ZNF571: variants seen among roughly 807,000 people sequenced by gnomAD.
The protein encoded by ZNF571 is zinc finger protein 571.
ZNF571 carries 4 observed loss-of-function variants against 7.7 expected under a neutral mutation model. That is an observed-to-expected ratio of 0.52 (90% CI 0.25 to 1.18). ZNF571 has a LOEUF of 1.18. ZNF571 is among the 50% of genes most tolerant of loss of function. The probability of loss-of-function intolerance (pLI) is 0.14; values close to 1 mark genes in which losing one functional copy is unlikely to be tolerated. For synonymous variants in ZNF571, 251 were observed against 232.4 expected (o/e 1.08, Z -0.73); for missense variants, 704 against 726.9 (o/e 0.97, Z 0.36).
intron 3 of ZNF571, among the ~76,000 whole-genome samples, chr19:37,577,205 A>T (rs1350402446): frequency 6.6e-6 from 1 of 152,092 alleles, no homozygotes; most frequent in East Asian, 1.9e-4. Context: ...ACCTTTCATC[A>T]CCCTCCTCAA....
chr19:37,591,377 G>A (rs536581934), intron 1 of ZNF571, among the ~76,000 whole-genome samples: 1 of 152,180 alleles, frequency 6.6e-6, no homozygotes, highest in Non-Finnish European at 1.5e-5. Flanking sequence ...TTAAAAAAGA[G>A]CAGTTTGATA....
intron 1 of ZNF571, chr19:37,594,055 G>A (rs2043944883): frequency 6.6e-6 from 1 of 152,098 alleles, no homozygotes; most frequent in African/African-American, 2.4e-5. Context: ...AGAGCTCTCG[G>A]AGCAGACGAA....
Position 37,584,007 on chromosome 19 carries a change from C to A in ZNF571, c.100G>T (p.Val34Leu), listed in dbSNP as rs202081146. Reference protein sequence around the residue: ...DPAQRDLYRDVMLENYSNLIS... With the variant: ...DPAQRDLYRDLMLENYSNLIS... ...AGGTTGCTGTAGTTCTCCAACATCA[C>A]ATCCCTGTACAAGTCCCTCTGAGCA... The change falls in exon 3 of 4, where the codon GTG becomes TTG. Residue 34 changes from valine to leucine, a missense_variant. Coordinates refer to ENST00000451802, the MANE Select transcript of ZNF571 (RefSeq NM_016536.5). 1 of 1,613,326 alleles carries A rather than the reference C, an allele frequency of 6.2e-7. No individual in the cohort carries two copies. The highest frequency in any genetic ancestry group is 1.3e-5 in the African/African-American group (1 of 74,912).
Position 37,564,831 on chromosome 19 carries a change from T to A in ZNF571, c.1597A>T (p.Lys533Ter), listed in dbSNP as rs1014873362. ...CGAATAAAAGCCTTCCCACACTGTT[T>A]ACATTCATAAGGTTTTTCACCTCTG... ...IHRGEKPYEC[K>*]QCGKAFIRGS... Residue 533 changes from lysine to a stop codon, truncating the protein, a stop_gained, in exon 4 of 4, where the codon AAA becomes TAA. Coordinates refer to ENST00000451802, the MANE Select transcript of ZNF571 (RefSeq NM_016536.5). LOFTEE classifies it low-confidence loss of function (END_TRUNC). 5.0e-6 allele frequency: 8 copies of A among 1,613,922 alleles called. No homozygotes were observed. The African/African-American group carries it at 1.1e-4, about 22-fold the overall frequency.
Position 37,564,915 on chromosome 19 carries a change from T to TA in ZNF571, c.1512dup (p.Lys505Ter). On this transcript the variant is annotated frameshift_variant, in exon 4 of 4. Coordinates refer to ENST00000451802, the MANE Select transcript of ZNF571 (RefSeq NM_016536.5). LOFTEE classifies it low-confidence loss of function (END_TRUNC). ...TAAATAAAGGCCTTGTCACATTCCT[T>TA]ACATTTGTAGGGCTTTTCACCTGTA... The TA allele has an allele frequency of 6.2e-7, 1 of 1,614,066 alleles. No homozygotes were observed. Among genetic ancestry groups the TA allele is most frequent in the Non-Finnish European group, 8.5e-7 (1 of 1,179,962 alleles).
intron 3 of ZNF571, 94 bp from the exon 4 acceptor site, chr19:37,566,385 A>G (rs1041292918): frequency 4.7e-5 from 66 of 1,400,730 alleles, no homozygotes; most frequent in Non-Finnish European, 6.2e-5. Context: ...AATTCTCATT[A>G]AGAATAGAAT....
intron 3 of ZNF571, among the ~76,000 whole-genome samples, chr19:37,573,584 T>G (rs2043139143): frequency 6.7e-6 from 1 of 149,958 alleles, no homozygotes; most frequent in Non-Finnish European, 1.5e-5. Flanking sequence ...GCTAGGACTT[T>G]GGGAGGCTGA....
chr19:37,574,915 G>A (rs1260437238), intron 3 of ZNF571, among the ~76,000 whole-genome samples: 1 of 152,132 alleles, frequency 6.6e-6, no homozygotes, highest in Non-Finnish European at 1.5e-5. Flanking sequence ...ATATAATGCT[G>A]TTATACCTAC....
chr19:37,565,000 A>T lies in ZNF571; in HGVS notation c.1428T>A (p.Cys476Ter). The T allele has an allele frequency of 6.2e-7, 1 of 1,613,864 alleles. No homozygotes were observed. The highest frequency in any genetic ancestry group is 8.5e-7 in the Non-Finnish European group (1 of 1,179,880). Residue 476 changes from cysteine to a stop codon, truncating the protein, a stop_gained, in exon 4 of 4, where the codon TGT (cysteine) becomes TGA (stop). Coordinates refer to ENST00000451802, the MANE Select transcript of ZNF571 (RefSeq NM_016536.5). LOFTEE classifies it low-confidence loss of function (END_TRUNC). ...EKIHGEKHYE[C>*]KECGKTFVRA... ...GTACAAAGGTCTTCCCACATTCCTTACATTCATAATGTTTCTCACCATGAA... is the reference window on the plus strand; with the variant it reads ...GTACAAAGGTCTTCCCACATTCCTTTCATTCATAATGTTTCTCACCATGAA...
chr19:37,579,830 T>C (rs1488442649), intron 3 of ZNF571, among the ~76,000 whole-genome samples: 1 of 152,196 alleles, frequency 6.6e-6, no homozygotes, highest in African/African-American at 2.4e-5. Flanking sequence ...TTAATATACT[T>C]TTTTTGATCC....
chr19:37,568,002 A>T (rs566495317), intron 3 of ZNF571, among the ~76,000 whole-genome samples: 9 of 152,200 alleles, frequency 5.9e-5, no homozygotes, highest in Non-Finnish European at 1.2e-4. Flanking sequence ...TTTCCCAAAG[A>T]AGTACCTCAA....
Position 37,584,092 on chromosome 19 carries a change from C to T in ZNF571, c.15G>A (p.Leu5=), listed in dbSNP as rs1306481028. ...CAATGGCCACATCCCTGAAAGTCAC[C>T]AACAACTGAAACAACAAATCCATTA... MPHL[L]VTFRDVAIDF... Residue 5 remains leucine (L), a synonymous_variant, in exon 3 of 4, where the codon TTG becomes TTA. Transcript: ENST00000451802. 8 of 1,614,018 alleles carry T rather than the reference C, an allele frequency of 5.0e-6. No individual in the cohort carries two copies. In the Admixed American group the frequency reaches 1.3e-4, roughly 27 times the overall value.
chr19:37,573,135 C>CT (rs138972594), intron 3 of ZNF571, among the ~76,000 whole-genome samples: 41,417 of 150,268 alleles, frequency 0.28, 6,762 homozygotes, highest in Non-Finnish European at 0.38. Context: ...TCTTCCAACT[C>CT]TTTTTTTTTT....
chr19:37,583,859 T>C (rs2043563606), intron 3 of ZNF571, 112 bp downstream of exon 3: 5 of 1,111,534 alleles, frequency 4.5e-6, no homozygotes, highest in Non-Finnish European at 6.5e-6. Context: ...TGTCCATTTC[T>C]ACTTCTACTC....
Position 37,564,926 on chromosome 19 carries a change from G to A in ZNF571, c.1502C>T (p.Pro501Leu), listed in dbSNP as rs765319516. 9 of 1,613,922 alleles carry A rather than the reference G, an allele frequency of 5.6e-6. No homozygotes were observed. The South Asian group carries it at 9.9e-5, about 18-fold the overall frequency. The change falls in exon 4 of 4, where the codon CCC becomes CTC. Residue 501 changes from proline to leucine, a missense_variant. Pro to Leu is a moderately conservative substitution (Grantham distance 98). Transcript: ENST00000451802. ...YHQRIHTGEK[P>L]YKCKECDKAF... Reference sequence around the variant, plus strand: ...CTTGTCACATTCCTTACATTTGTAGGGCTTTTCACCTGTATGAATTCTTTG... The same window carrying A: ...CTTGTCACATTCCTTACATTTGTAGAGCTTTTCACCTGTATGAATTCTTTG...
intron 3 of ZNF571, among the ~76,000 whole-genome samples, chr19:37,572,579 C>G (rs1305923061): frequency 6.6e-6 from 1 of 152,150 alleles, no homozygotes; most frequent in Non-Finnish European, 1.5e-5. Flanking sequence ...CAGGCATCCA[C>G]TGGGGGAGCC....
rs1182387399 is a variant in ZNF571 at position 37,565,134 on chromosome 19, T to G, written c.1294A>C (p.Lys432Gln). 1 of 1,612,284 alleles carries G rather than the reference T, an allele frequency of 6.2e-7. No individual in the cohort carries two copies. The highest frequency in any genetic ancestry group is 1.1e-5 in the South Asian group (1 of 90,920). Residue 432 changes from lysine to glutamine, a missense_variant, in exon 4 of 4, where the codon AAA (lysine) becomes CAA (glutamine). Coordinates refer to ENST00000451802, the MANE Select transcript of ZNF571 (RefSeq NM_016536.5). The part of the protein sequence containing the change: ...KECGKAFICG[K>Q]QLSEHQRIHT... ...ATTCTCTGATGTTCACTAAGTTGTT[T>G]GCCACAAATAAAGGCCTTTCCACAT...
At chr19:37,576,874 G>A (rs1411801032) in intron 3 of ZNF571, among the ~76,000 whole-genome samples, 1 of 152,032 alleles carries the variant, frequency 6.6e-6, no homozygotes, top group Non-Finnish European at 1.5e-5. Context: ...ACCAGCAACA[G>A]CTTAAAACAC....
At chr19:37,576,181 A>C (rs1013085644) in intron 3 of ZNF571, among the ~76,000 whole-genome samples, 12 of 152,194 alleles carry the variant, frequency 7.9e-5, no homozygotes, top group African/African-American at 2.9e-4. Context: ...AATTTACTAA[A>C]AAATCCACCA....
Sources: allele counts gnomAD v4.1 joint callset (sites outside exome capture counted in the v4.1 genomes callset), GRCh38; gene constraint gnomAD v4.1.1; transcripts MANE v1.5; gene names NCBI Gene and HGNC (gene_info 2026-07-23, HGNC 2026-07-21).